CAMK4: variants seen among roughly 807,000 people sequenced by gnomAD.
The protein encoded by CAMK4 is calcium/calmodulin dependent protein kinase IV.
Under a neutral mutation model 44.9 loss-of-function variants are expected in CAMK4, and 22 were observed. That is an observed-to-expected ratio of 0.49 (90% CI 0.35 to 0.70). The LOEUF is 0.70. CAMK4 is among the 30% of genes least tolerant of loss of function. The pLI, the probability that CAMK4 is intolerant of heterozygous loss-of-function variation, is 0.01. For synonymous variants in CAMK4, 218 were observed against 215.4 expected (o/e 1.01, Z -0.11); for missense variants, 498 against 586.8 (o/e 0.85, Z 1.56).
intron 5 of CAMK4, among the ~76,000 whole-genome samples, chr5:111,426,649 C>T (rs1475783528): frequency 6.6e-6 from 1 of 152,152 alleles, no homozygotes; most frequent in South Asian, 2.1e-4. Context: ...CCTCCCCCAC[C>T]CCCAATGGTA....
At chr5:111,351,026 G>C (rs1467334048) in intron 2 of CAMK4, among the ~76,000 whole-genome samples, 1 of 151,996 alleles carries the variant, frequency 6.6e-6, no homozygotes, top group Non-Finnish European at 1.5e-5. Flanking sequence ...TTTTAAAATG[G>C]GGATAACACC....
Position 111,469,861 on chromosome 5 carries a change from G to A in CAMK4, c.626-3450G>A, listed in dbSNP as rs183312086. Among the ~76,000 whole-genome samples, 237 of 152,278 alleles carry A rather than the reference G, an allele frequency of 1.6e-3. 1 individual carries two copies. Among genetic ancestry groups the A allele is most frequent in the Middle Eastern group, 3.4e-3 (1 of 294 alleles). The stretch of plus-strand genomic sequence containing the variant: ...CAGGTTAAAACTCAAAGTTAACTTG[G>A]AAATCAGCTATTTGGATTCATTTAC... On this transcript the variant is annotated intron_variant, in intron 7 of 10. Transcript: ENST00000282356.
At chr5:111,334,227 A>G (rs1749299132) in intron 1 of CAMK4, among the ~76,000 whole-genome samples, 1 of 151,618 alleles carries the variant, frequency 6.6e-6, no homozygotes, top group South Asian at 2.1e-4. Flanking sequence ...TCTAAATTCT[A>G]AAGGTTAGCC....
intron 5 of CAMK4, among the ~76,000 whole-genome samples, chr5:111,434,185 C>T (rs1481781237): frequency 2.6e-5 from 4 of 151,154 alleles, no homozygotes; most frequent in East Asian, 2.0e-4. Flanking sequence ...CCCAACTACT[C>T]GGAAGGCTGA....
Position 111,489,125 on chromosome 5 carries a change from T to C in CAMK4, c.*4659T>C, listed in dbSNP as rs936820508. 1 of 152,224 alleles carries C rather than the reference T, an allele frequency of 6.6e-6. No homozygotes were observed. Among genetic ancestry groups the C allele is most frequent in the Non-Finnish European group, 1.5e-5 (1 of 68,042 alleles). 9.4% of individuals were successfully genotyped at this position (152,224 alleles called of 1,614,324 possible). A position where few individuals can be genotyped will look rare whatever the true frequency, so the allele number is the denominator to read the frequency against. ...AATTGTGTACATGTTATTTCACTAT[T>C]GGTATTACAATATTCATAACCACAT... On this transcript the variant is annotated 3_prime_UTR_variant, in exon 11 of 11. Transcript: ENST00000282356.
At chr5:111,316,751 T>C (rs1299134372) in intron 1 of CAMK4, among the ~76,000 whole-genome samples, 1 of 152,186 alleles carries the variant, frequency 6.6e-6, no homozygotes, top group Non-Finnish European at 1.5e-5. Context: ...TTTCTGGCAT[T>C]GATAAATCAC....
rs1206514541 is a variant in CAMK4 at position 111,249,644 on chromosome 5, A to ATG, written c.161+25014_161+25015dup. Among the ~76,000 whole-genome samples, 557 of 112,118 alleles carry ATG rather than the reference A, an allele frequency of 5.0e-3. 6 individuals carry two copies. The highest frequency in any genetic ancestry group is 0.014 in the African/African-American group (529 of 37,680). 73.6% of individuals were successfully genotyped at this position (112,118 alleles called of 152,430 possible). A position where few individuals can be genotyped will look rare whatever the true frequency, so the allele number is the denominator to read the frequency against. ...TATTTGTGTGTATATATATATATAT[A>ATG]TGTGTGTGTGTGTGTATATATATGT... On this transcript the variant is annotated intron_variant, in intron 1 of 10. Coordinates refer to ENST00000282356, the MANE Select transcript of CAMK4 (RefSeq NM_001744.6).
At chr5:111,408,134 G>A (rs1443671832) in intron 5 of CAMK4, among the ~76,000 whole-genome samples, 1 of 151,990 alleles carries the variant, frequency 6.6e-6, no homozygotes, top group East Asian at 1.9e-4. Flanking sequence ...GAGAGAGAGA[G>A]AGAGAAAGAC....
intron 7 of CAMK4, among the ~76,000 whole-genome samples, chr5:111,466,013 G>A (rs1754815163): frequency 6.6e-6 from 1 of 152,174 alleles, no homozygotes; most frequent in Non-Finnish European, 1.5e-5. Context: ...GATCAAGTGG[G>A]TTTCATACCA....
Position 111,335,897 on chromosome 5 carries a change from ACT to A in CAMK4, c.162-8120_162-8119del, listed in dbSNP as rs536726755. Among the ~76,000 whole-genome samples, 8 of 151,180 alleles carry A rather than the reference ACT, an allele frequency of 5.3e-5. No homozygotes were observed. The East Asian group carries it at 9.8e-4, about 18-fold the overall frequency. ...TTACAAACACATTACAGGTTTGACAACTCTCTCTTTTTGTGTAATGAAAAATA... is the reference window on the plus strand; with the variant it reads ...TTACAAACACATTACAGGTTTGACAACTCTCTTTTTGTGTAATGAAAAATA... On this transcript the variant is annotated intron_variant, in intron 1 of 10. Transcript: ENST00000282356.
At chr5:111,329,359 T>C (rs1749052741) in intron 1 of CAMK4, among the ~76,000 whole-genome samples, 1 of 151,744 alleles carries the variant, frequency 6.6e-6, no homozygotes, top group Non-Finnish European at 1.5e-5. Flanking sequence ...TTCAACATGG[T>C]GTTGGAAGTT....
rs1274726204 is a variant in CAMK4 at position 111,486,144 on chromosome 5, T to A, written c.*1678T>A. The A allele has an allele frequency of 1.3e-5, 2 of 152,112 alleles. No individual in the cohort carries two copies. Among genetic ancestry groups the A allele is most frequent in the East Asian group, 3.9e-4 (2 of 5,192 alleles). The allele number at this position is 152,112 out of a possible 1,614,324, so 9.4% of individuals were successfully genotyped here. A position where few individuals can be genotyped will look rare whatever the true frequency, so the allele number is the denominator to read the frequency against. ...TGGACCTCAGTAGACATTCTTCTTTTCAATCACAAATCTCTCTCTACTACT... is the reference window on the plus strand; with the variant it reads ...TGGACCTCAGTAGACATTCTTCTTTACAATCACAAATCTCTCTCTACTACT... On this transcript the variant is annotated 3_prime_UTR_variant, in exon 11 of 11. Coordinates refer to ENST00000282356, the MANE Select transcript of CAMK4 (RefSeq NM_001744.6).
At chr5:111,380,551 T>C (rs1477146810) in intron 4 of CAMK4, among the ~76,000 whole-genome samples, 5 of 152,176 alleles carry the variant, frequency 3.3e-5, no homozygotes, top group African/African-American at 1.2e-4. Flanking sequence ...TGTGTGTTTT[T>C]CCCCACTATG....
chr5:111,331,615 A>G lies in CAMK4; in HGVS notation c.162-12409A>G, dbSNP rs1209667632. On this transcript the variant is annotated intron_variant, in intron 1 of 10. Transcript: ENST00000282356. ...CTTTTGCCTTTGTTAGTCCCTATCC[A>G]TCTTGAAGACCCACTTAAATTTGCC... 6.6e-5 allele frequency among the ~76,000 whole-genome samples: 10 copies of G among 151,808 alleles called. No homozygotes were observed. The East Asian group carries it at 1.8e-3, about 27-fold the overall frequency.
chr5:111,254,120 G>A (rs1272162802), intron 1 of CAMK4, among the ~76,000 whole-genome samples: 1 of 152,180 alleles, frequency 6.6e-6, no homozygotes, highest in African/African-American at 2.4e-5. Context: ...TCCCGCACAT[G>A]GATGTGGAAG....
intron 1 of CAMK4, among the ~76,000 whole-genome samples, chr5:111,318,144 G>T (rs1748512319): frequency 6.6e-6 from 1 of 152,096 alleles, no homozygotes; most frequent in Non-Finnish European, 1.5e-5. Context: ...ACATAATTTA[G>T]TAAATGCATT....
chr5:111,330,553 G>C (rs1414795592), intron 1 of CAMK4, among the ~76,000 whole-genome samples: 3 of 151,434 alleles, frequency 2.0e-5, no homozygotes, highest in Non-Finnish European at 4.4e-5. Context: ...AGTGTTACAA[G>C]GAAAAGTAGA....
intron 4 of CAMK4, among the ~76,000 whole-genome samples, chr5:111,387,074 CT>C (rs1409041286): frequency 2.6e-5 from 4 of 152,206 alleles, no homozygotes; most frequent in Non-Finnish European, 5.9e-5. Context: ...ATCTTAACTG[CT>C]TCCTTATTAT....
At chr5:111,317,898 T>TTAAAA (rs1748495095) in intron 1 of CAMK4, among the ~76,000 whole-genome samples, 1 of 69,820 alleles carries the variant, frequency 1.4e-5, no homozygotes, top group African/African-American at 5.2e-5. Context: ...GAGTAATATG[T>TTAAAA]AAAAAAAAAA....
Sources: allele counts gnomAD v4.1 joint callset (sites outside exome capture counted in the v4.1 genomes callset), GRCh38; gene constraint gnomAD v4.1.1; transcripts MANE v1.5; gene names NCBI Gene and HGNC (gene_info 2026-07-23, HGNC 2026-07-21).